CUX1: variants seen among roughly 807,000 people sequenced by gnomAD.
The protein encoded by CUX1 is protein CASP.
In CUX1, 31 loss-of-function variants were observed where a neutral mutation model predicts 158.8. That is an observed-to-expected ratio of 0.20 (90% CI 0.15 to 0.26). CUX1 has a LOEUF of 0.26. Ranked by LOEUF, CUX1 falls within the 10% of genes least tolerant of loss-of-function variation. The pLI, the probability that CUX1 is intolerant of heterozygous loss-of-function variation, is 1.00. For synonymous variants in CUX1, 879 were observed against 862.1 expected, an observed-to-expected ratio of 1.02 and a Z score of -0.34; for missense variants, 1,589 against 2,014.6, an observed-to-expected ratio of 0.79 and a Z score of 4.04.
At chr7:101,912,525 A>G (rs1446757397) in intron 1 of CUX1, among the ~76,000 whole-genome samples, 1 of 152,162 alleles carries the variant, frequency 6.6e-6, no homozygotes, top group Non-Finnish European at 1.5e-5. Context: ...TTCCAGCTAG[A>G]TAATGCATCC....
chr7:102,197,622 C>A (rs940296395), intron 15 of CUX1, among the ~76,000 whole-genome samples: 1 of 152,056 alleles, frequency 6.6e-6, no homozygotes, highest in African/African-American at 2.4e-5. Flanking sequence ...GCTTAGTGGC[C>A]GCGGGTCCAA....
At position 102,254,587 on chromosome 7, in the gene CUX1, A is replaced by G. The variant is rs1433356473; in HGVS notation, c.*5545A>G. 2.0e-5 allele frequency: 20 copies of G among 985,334 alleles called. No homozygotes were observed. The highest frequency in any genetic ancestry group is 2.3e-5 in the Non-Finnish European group (19 of 829,962). 61.0% of individuals were successfully genotyped at this position (985,334 alleles called of 1,614,324 possible). A position where few individuals can be genotyped will look rare whatever the true frequency, so the allele number is the denominator to read the frequency against. Reference sequence around the variant, plus strand: ...GCCAAAGTGTTCCCCTGCTGGAGACAGTTTGCAAGTAAGAACCTAAGGATG... The same window carrying G: ...GCCAAAGTGTTCCCCTGCTGGAGACGGTTTGCAAGTAAGAACCTAAGGATG... On this transcript the variant is annotated 3_prime_UTR_variant, in exon 24 of 24. Coordinates refer to ENST00000292535, the MANE Select transcript of CUX1 (RefSeq NM_181552.4).
chr7:101,918,792 C>G (rs1272826880), intron 2 of CUX1, among the ~76,000 whole-genome samples: 1 of 152,178 alleles, frequency 6.6e-6, no homozygotes, highest in African/African-American at 2.4e-5. Context: ...GAGACAGAGT[C>G]TTGCCCTCAG....
intron 4 of CUX1, among the ~76,000 whole-genome samples, chr7:102,075,861 A>C (rs1826647347): frequency 6.6e-6 from 1 of 152,210 alleles, no homozygotes; most frequent in Admixed American, 6.5e-5. Flanking sequence ...GAGTTGCCCA[A>C]ACCAGCACAT....
intron 8 of CUX1, among the ~76,000 whole-genome samples, chr7:102,143,121 G>A (rs1432388180): frequency 6.6e-6 from 1 of 152,130 alleles, no homozygotes; most frequent in Non-Finnish European, 1.5e-5. Flanking sequence ...GCCGGCCCAC[G>A]ATGTCAACAG....
chr7:102,248,500 A>G lies in CUX1; in HGVS notation c.3976A>G (p.Ser1326Gly), dbSNP rs1268563772. 6.4e-7 allele frequency: 1 copy of G among 1,567,248 alleles called. No homozygotes were observed. The highest frequency in any genetic ancestry group is 8.6e-7 in the Non-Finnish European group (1 of 1,160,512). ...AGASDSPSAR[S>G]GRAAPSSEGD... ...CGCCAGCGACTCACCCTCGGCCCGC[A>G]GCGGCCGGGCGGCGCCCAGCTCGGA... is the stretch of plus-strand genomic sequence containing the variant. The change falls in exon 24 of 24, where the codon AGC becomes GGC. Residue 1326 changes from serine (S) to glycine (G), a missense_variant. Coordinates refer to ENST00000292535, the MANE Select transcript of CUX1 (RefSeq NM_181552.4). The surrounding 1 kb of genome is among the most constrained non-coding windows in gnomAD (Gnocchi z 5.8).
At chr7:101,970,194 A>C (rs918762638) in intron 2 of CUX1, among the ~76,000 whole-genome samples, 2 of 152,166 alleles carry the variant, frequency 1.3e-5, no homozygotes, top group African/African-American at 4.8e-5. Context: ...GTTGACTGAC[A>C]GTTGCAGAGA....
Position 102,239,588 on chromosome 7 carries a change from C to G in CUX1, c.3887+4C>G, listed in dbSNP as rs115214660. On this transcript the variant is annotated splice_donor_region_variant and intron_variant, in intron 23 of 23. Transcript: ENST00000292535. Reference sequence around the variant, plus strand: ...TCAACTGGTTCCACAACTACAGGTACGACGGCTGGCTCACAGGGAGCGCCG... The same window carrying G: ...TCAACTGGTTCCACAACTACAGGTAGGACGGCTGGCTCACAGGGAGCGCCG... The G allele has an allele frequency of 6.2e-7, 1 of 1,608,370 alleles. No individual in the cohort carries two copies. The highest frequency in any genetic ancestry group is 1.3e-5 in the African/African-American group (1 of 74,914).
chr7:102,260,002 G>A, downstream of CUX1, among the ~76,000 whole-genome samples: 1 of 151,760 alleles, frequency 6.6e-6, no homozygotes, highest in Non-Finnish European at 1.5e-5. Flanking sequence ...GGCTGAGGTG[G>A]GAGGATCACT....
chr7:102,244,526 C>CAT (rs1554536204), intron 23 of CUX1, among the ~76,000 whole-genome samples: 28 of 42,504 alleles, frequency 6.6e-4, no homozygotes, highest in Non-Finnish European at 7.5e-5. Flanking sequence ...AGTGAGACCA[C>CAT]GTCTACAAAA....
intron 1 of CUX1, among the ~76,000 whole-genome samples, chr7:101,825,236 G>A (rs1347846200): frequency 6.6e-6 from 1 of 152,208 alleles, no homozygotes; most frequent in Non-Finnish European, 1.5e-5. Context: ...AGTCATACAG[G>A]TTTGAGACAG....
chr7:101,963,838 G>A (rs956082368), intron 2 of CUX1, among the ~76,000 whole-genome samples: 7 of 151,812 alleles, frequency 4.6e-5, no homozygotes, highest in African/African-American at 1.2e-4. Context: ...TTTTTATAGA[G>A]ATGGGATCTC....
At chr7:102,229,609 G>A (rs1798744960) in intron 21 of CUX1, among the ~76,000 whole-genome samples, 1 of 122,760 alleles carries the variant, frequency 8.1e-6, no homozygotes, top group Non-Finnish European at 1.7e-5. Context: ...ACCGTGTCTG[G>A]CCTTTTTTTT....
At chr7:102,185,734 G>A (rs1445640148) in intron 11 of CUX1, among the ~76,000 whole-genome samples, 1 of 152,008 alleles carries the variant, frequency 6.6e-6, no homozygotes, top group African/African-American at 2.4e-5. Flanking sequence ...CTGCAAGTAC[G>A]TGGTGGAGCC....
chr7:101,872,136 T>G (rs941981726), intron 1 of CUX1, among the ~76,000 whole-genome samples: 1 of 152,120 alleles, frequency 6.6e-6, no homozygotes, highest in African/African-American at 2.4e-5. Context: ...TTTTATTTAT[T>G]TGTTTATTTA....
chr7:102,213,173 C>T (rs1796722171), intron 20 of CUX1, among the ~76,000 whole-genome samples: 1 of 152,206 alleles, frequency 6.6e-6, no homozygotes, highest in Admixed American at 6.5e-5. Flanking sequence ...AGAATCTAGT[C>T]GCATCTTCCC....
intron 11 of CUX1, among the ~76,000 whole-genome samples, chr7:102,180,402 G>C (rs1292441273): frequency 6.9e-6 from 1 of 145,404 alleles, no homozygotes; most frequent in African/African-American, 2.6e-5. Context: ...CGGCAACCTC[G>C]AAGTCTCGGG....
intron 4 of CUX1, among the ~76,000 whole-genome samples, chr7:102,077,165 G>A (rs1554476937): frequency 6.6e-6 from 1 of 152,014 alleles, no homozygotes; most frequent in African/African-American, 2.4e-5. Context: ...CAGGACAGAG[G>A]CAGCTGCCCT....
intron 2 of CUX1, among the ~76,000 whole-genome samples, chr7:101,998,284 T>C (rs181014884): frequency 6.6e-5 from 10 of 152,112 alleles, no homozygotes; most frequent in Admixed American, 6.5e-4. Context: ...GGGCTGTGCG[T>C]GGGCTGCAGG....
Sources: allele counts gnomAD v4.1 joint callset (sites outside exome capture counted in the v4.1 genomes callset), GRCh38; gene constraint gnomAD v4.1.1; non-coding constraint Gnocchi (gnomAD v3.1); transcripts MANE v1.5; gene names NCBI Gene and HGNC (gene_info 2026-07-23, HGNC 2026-07-21).